ACAA2: variants seen among roughly 807,000 people sequenced by gnomAD.
The protein encoded by ACAA2 is 3-ketoacyl-CoA thiolase, mitochondrial.
ACAA2 carries 35 observed loss-of-function variants against 44.8 expected under a neutral mutation model. The ratio of observed to expected loss-of-function variants is 0.78; its 90% confidence interval spans 0.60 to 1.04. ACAA2 has a LOEUF of 1.04. ACAA2 is among the 50% of genes least tolerant of loss of function. The probability of loss-of-function intolerance (pLI) is 0.00; values close to 1 mark genes in which losing one functional copy is unlikely to be tolerated. For synonymous variants in ACAA2, 142 were observed against 166.5 expected (o/e 0.85, Z 1.13); for missense variants, 468 against 482.6 (o/e 0.97, Z 0.28).
At chr18:49,803,540 C>T (rs2023580644) in intron 1 of ACAA2, among the ~76,000 whole-genome samples, 2 of 152,146 alleles carry the variant, frequency 1.3e-5, no homozygotes, top group South Asian at 4.1e-4. Flanking sequence ...AAAGCCTCTT[C>T]CTTCTTTAAT....
chr18:49,798,811 G>C (rs879505164), intron 2 of ACAA2, among the ~76,000 whole-genome samples: 1 of 151,824 alleles, frequency 6.6e-6, no homozygotes. Context: ...AAAAATTCTT[G>C]GCCAATGGAT....
chr18:49,789,094 C>G (rs1295006564), intron 7 of ACAA2, among the ~76,000 whole-genome samples: 2 of 152,200 alleles, frequency 1.3e-5, no homozygotes, highest in African/African-American at 4.8e-5. Context: ...CTACCATTGC[C>G]ACCCCTGAGG....
rs1173738745 is a variant in ACAA2 at position 49,782,984 on chromosome 18, A to G, written c.*863T>C. ...GCCCTACTAGATATCCAGTCTTAGA[A>G]CAGACAAATAAAGCAATGGAAGTGT... On this transcript the variant is annotated 3_prime_UTR_variant, in exon 10 of 10. Transcript: ENST00000285093. The G allele has an allele frequency of 6.6e-6, 1 of 152,238 alleles. No homozygotes were observed. Among genetic ancestry groups the G allele is most frequent in the African/African-American group, 2.4e-5 (1 of 41,470 alleles). 9.4% of individuals were successfully genotyped at this position (152,238 alleles called of 1,614,324 possible).
chr18:49,810,792 A>G (rs2023659852), intron 1 of ACAA2, among the ~76,000 whole-genome samples: 1 of 151,552 alleles, frequency 6.6e-6, no homozygotes, highest in African/African-American at 2.4e-5. Flanking sequence ...GGCTCAAGCA[A>G]TCCTCCACCA....
intron 8 of ACAA2, chr18:49,785,815 T>A (rs1187093515): frequency 1.3e-5 from 2 of 159,904 alleles, no homozygotes; most frequent in African/African-American, 4.8e-5. Flanking sequence ...GTCCAGTGTG[T>A]TACCTGAAAC....
chr18:49,810,237 C>T (rs1322177702), intron 1 of ACAA2, among the ~76,000 whole-genome samples: 4 of 152,172 alleles, frequency 2.6e-5, no homozygotes, highest in Admixed American at 2.6e-4. Context: ...CTCTAATAAA[C>T]ACCACACGTA....
chr18:49,785,684 G>A (rs1440430404), intron 8 of ACAA2: 2 of 279,130 alleles, frequency 7.2e-6, no homozygotes, highest in Non-Finnish European at 1.3e-5. Flanking sequence ...CCATTTGTTA[G>A]GGTGTGACCT....
At chr18:49,802,910 G>T in intron 1 of ACAA2, 57 bp from the exon 2 acceptor site, 2 of 1,563,572 alleles carry the variant, frequency 1.3e-6, no homozygotes, top group South Asian at 2.2e-5. Context: ...ACCTCTAAAT[G>T]CTTCGAATAA....
intron 2 of ACAA2, 86 bp from the exon 3 acceptor site, chr18:49,797,680 A>G (rs2023480953): frequency 2.6e-6 from 3 of 1,168,896 alleles, no homozygotes; most frequent in Non-Finnish European, 3.5e-6. Flanking sequence ...AATGTTGGCA[A>G]TCTATCAAAA....
intron 6 of ACAA2, among the ~76,000 whole-genome samples, chr18:49,791,819 A>G (rs1272567422): frequency 6.6e-6 from 1 of 152,178 alleles, no homozygotes; most frequent in Non-Finnish European, 1.5e-5. Flanking sequence ...GTCAAGGAAA[A>G]ACTTTTATCT....
At chr18:49,800,335 G>A (rs1245302422) in intron 2 of ACAA2, among the ~76,000 whole-genome samples, 18 of 149,892 alleles carry the variant, frequency 1.2e-4, no homozygotes, top group South Asian at 4.2e-4. Context: ...GCCTCTGCCC[G>A]GCTGCCCCTA....
chr18:49,801,110 C>T (rs1196981925), intron 2 of ACAA2, among the ~76,000 whole-genome samples: 2 of 152,246 alleles, frequency 1.3e-5, no homozygotes, highest in East Asian at 3.9e-4. Context: ...CTCATTTATT[C>T]CAAGTGATAT....
rs1555789735 is a variant in ACAA2, at chr18:49,787,272, A to AAAC, written c.954+18_954+19insGTT. The AAAC allele has an allele frequency of 1.7e-3, 2,261 of 1,355,570 alleles. 18 individuals are homozygous for AAAC. In the African/African-American group the frequency reaches 0.021, roughly 13 times the overall value. The allele number at this position is 1,355,570 out of a possible 1,614,324, so 84.0% of individuals were successfully genotyped here. On this transcript the variant is annotated intron_variant, in intron 8 of 9. Coordinates refer to ENST00000285093, the MANE Select transcript of ACAA2 (RefSeq NM_006111.3). ...TTATTCATGTTGTTAAAAAAAAAAA[A>AAAC]AAAAAAAAAAACACTTACCTCTACC...
At chr18:49,787,432 C>CTCCT in intron 7 of ACAA2, 71 bp from the exon 8 acceptor site, 1 of 1,112,446 alleles carries the variant, frequency 9.0e-7, no homozygotes, top group Non-Finnish European at 1.2e-6. Context: ...TATCAAGCTT[C>CTCCT]TCCTTCTTTC....
At chr18:49,812,356 A>G (rs2023679901) in intron 1 of ACAA2, among the ~76,000 whole-genome samples, 1 of 106,858 alleles carries the variant, frequency 9.4e-6, no homozygotes, top group South Asian at 3.9e-4. Context: ...TTCCACATCT[A>G]TTCCTTTCCC....
chr18:49,799,155 G>A (rs1015516946), intron 2 of ACAA2, among the ~76,000 whole-genome samples: 5 of 152,090 alleles, frequency 3.3e-5, no homozygotes, highest in Non-Finnish European at 5.9e-5. Flanking sequence ...GAACAAACTA[G>A]GAACAGATGG....
At chr18:49,809,857 T>A (rs1441342950) in intron 1 of ACAA2, among the ~76,000 whole-genome samples, 1 of 152,226 alleles carries the variant, frequency 6.6e-6, no homozygotes, top group Non-Finnish European at 1.5e-5. Flanking sequence ...TGAACTTGAA[T>A]GCAAAATATG....
chr18:49,784,634 T>C (rs1356018737), intron 9 of ACAA2, among the ~76,000 whole-genome samples: 1 of 152,150 alleles, frequency 6.6e-6, no homozygotes, highest in Non-Finnish European at 1.5e-5. Context: ...TTGGTTTTGT[T>C]TGCAATTTTT....
chr18:49,786,411 T>C (rs2023329555), intron 8 of ACAA2: 1 of 152,226 alleles, frequency 6.6e-6, no homozygotes, highest in African/African-American at 2.4e-5. Flanking sequence ...AATTTAGTGG[T>C]ACCTATTTGC....
Sources: allele counts gnomAD v4.1 joint callset (sites outside exome capture counted in the v4.1 genomes callset), GRCh38; gene constraint gnomAD v4.1.1; transcripts MANE v1.5; gene names NCBI Gene and HGNC (gene_info 2026-07-23, HGNC 2026-07-21).